CTNNB1: variants seen among roughly 807,000 people sequenced by gnomAD.
The protein encoded by CTNNB1 is catenin beta-1.
A neutral mutation model predicts 82.5 loss-of-function variants in CTNNB1; 6 were observed. That is an observed-to-expected ratio of 0.07 (90% CI 0.04 to 0.14). The LOEUF (loss-of-function observed/expected upper bound fraction) is 0.14. Ranked by LOEUF, CTNNB1 falls within the 10% of genes least tolerant of loss-of-function variation. The pLI, the probability that CTNNB1 is intolerant of heterozygous loss-of-function variation, is 1.00. For missense variants in CTNNB1, 529 were observed against 980.4 expected, an observed-to-expected ratio of 0.54 and a Z score of 6.15; for synonymous variants, 312 against 329.7, an observed-to-expected ratio of 0.95 and a Z score of 0.58.
chr3:41,216,992 A>C (rs1341290829), intron 1 of CTNNB1, among the ~76,000 whole-genome samples: 2 of 152,004 alleles, frequency 1.3e-5, no homozygotes, highest in Non-Finnish European at 2.9e-5. Context: ...GCTGGAGTGA[A>C]TTTTAGAAAG....
chr3:41,234,003 T>C (rs1432096799), intron 9 of CTNNB1, 136 bp downstream of exon 9: 6 of 1,422,294 alleles, frequency 4.2e-6, no homozygotes, highest in Non-Finnish European at 5.9e-6. Flanking sequence ...ATGGCTGCGA[T>C]AGGGGTAAGA....
chr3:41,210,796 CT>C (rs995844597), intron 1 of CTNNB1, among the ~76,000 whole-genome samples: 74 of 147,056 alleles, frequency 5.0e-4, no homozygotes, highest in African/African-American at 9.9e-4. Flanking sequence ...ATATGCTATA[CT>C]TTTTTTTTTT....
At position 41,239,797 on chromosome 3, in the gene CTNNB1, G is replaced by T; in HGVS notation, c.*455G>T. ...TGGGAACAATTGAAGTAAACTTTTT[G>T]TTCTGGTCCTTTTTGGTCGAGGAGT... On this transcript the variant is annotated 3_prime_UTR_variant, in exon 15 of 15. Transcript: ENST00000349496. The T allele has an allele frequency of 3.5e-6, 1 of 284,186 alleles. No homozygotes were observed. The highest frequency in any genetic ancestry group is 6.7e-6 in the Non-Finnish European group (1 of 148,564). 17.6% of individuals were successfully genotyped at this position (284,186 alleles called of 1,614,324 possible). A position where few individuals can be genotyped will look rare whatever the true frequency, so the allele number is the denominator to read the frequency against.
chr3:41,216,622 A>G (rs974854382), intron 1 of CTNNB1, among the ~76,000 whole-genome samples: 2 of 152,214 alleles, frequency 1.3e-5, no homozygotes, highest in African/African-American at 4.8e-5. Flanking sequence ...TCTTTTGTAC[A>G]AAGTCCATTT....
At chr3:41,210,976 A>G (rs2077770105) in intron 1 of CTNNB1, 5 of 452,024 alleles carry the variant, frequency 1.1e-5, no homozygotes, top group South Asian at 6.2e-5. Context: ...AATTTTTTGT[A>G]GAGACAGGGT....
intron 1 of CTNNB1, chr3:41,221,350 T>C (rs2078045540): frequency 6.6e-6 from 1 of 151,988 alleles, no homozygotes; most frequent in South Asian, 2.1e-4. Context: ...TTTTTTTTTT[T>C]TTTAAATTCT....
At chr3:41,226,408 C>G (rs749109298) in intron 6 of CTNNB1, among the ~76,000 whole-genome samples, 1 of 152,108 alleles carries the variant, frequency 6.6e-6, no homozygotes, top group South Asian at 2.1e-4. Context: ...TTGAAACTGA[C>G]TCTTTTTGAG....
At chr3:41,223,844 A>G in intron 1 of CTNNB1, 177 bp from the exon 2 acceptor site, 1 of 497,410 alleles carries the variant, frequency 2.0e-6, no homozygotes, top group South Asian at 3.5e-5. Flanking sequence ...GCAGTGATGG[A>G]GCTGTGGTTG....
intron 11 of CTNNB1, 92 bp from the exon 12 acceptor site, chr3:41,236,257 C>A (rs961987116): frequency 9.8e-6 from 14 of 1,433,992 alleles, no homozygotes; most frequent in Non-Finnish European, 1.4e-5. Flanking sequence ...ATGCCTCTTG[C>A]ACTCTGAATT....
In CTNNB1 at chr3:41,236,676, T is replaced by C. The variant is rs1293826053; in HGVS notation, c.2043T>C (p.Ser681=). Residue 681 remains serine, a synonymous_variant, in exon 13 of 15, where the codon TCT becomes TCC. Transcript: ENST00000349496. ...KKRLSVELTS[S]LFRTEPMAWN... is the part of the protein sequence containing the mutation. ...GGCTTTCAGTTGAGCTGACCAGCTC[T>C]CTCTTCAGAACAGAGCCAATGGCTT... 2 of 1,614,120 alleles carry C rather than the reference T, an allele frequency of 1.2e-6. No homozygotes were observed. The highest frequency in any genetic ancestry group is 1.7e-6 in the Non-Finnish European group (2 of 1,179,960).
intron 7 of CTNNB1, among the ~76,000 whole-genome samples, chr3:41,228,663 C>T (rs1453222117): frequency 6.6e-6 from 1 of 151,912 alleles, no homozygotes; most frequent in African/African-American, 2.4e-5. Flanking sequence ...CATGCCAGTA[C>T]TTTCTCCCAT....
Position 41,236,604 on chromosome 3 carries a change from T to A in CTNNB1, c.1971T>A (p.Ala657=), listed in dbSNP as rs2078441385. The change falls in exon 13 of 15, where the codon GCT becomes GCA. Residue 657 remains alanine, a synonymous_variant. Transcript: ENST00000349496. Reference sequence around the variant, plus strand: ...GTCTCTTAGCGACATATGCAGCTGCTGTTTTGTTCCGAATGTCTGAGGACA... The same window carrying A: ...GTCTCTTAGCGACATATGCAGCTGCAGTTTTGTTCCGAATGTCTGAGGACA... The part of the protein sequence containing the change: ...RNEGVATYAA[A]VLFRMSEDKP... 1 of 1,614,232 alleles carries A rather than the reference T, an allele frequency of 6.2e-7. No homozygotes were observed. The highest frequency in any genetic ancestry group is 8.5e-7 in the Non-Finnish European group (1 of 1,180,048).
Position 41,240,137 on chromosome 3 carries a change from A to AATC in CTNNB1, c.*796_*798dup, listed in dbSNP as rs772744702. 1.2e-4 allele frequency: 25 copies of AATC among 207,578 alleles called. No individual in the cohort carries two copies. Among genetic ancestry groups the AATC allele is most frequent in the Non-Finnish European group, 2.4e-4 (24 of 101,630 alleles). The allele number at this position is 207,578 out of a possible 1,614,324, so 12.9% of individuals were successfully genotyped here. Reference sequence around the variant, plus strand: ...ATTCATAATCACTCTAATTAATTGTAATCTGAATAAAGTGTAACAATTGTG... The same window carrying AATC: ...ATTCATAATCACTCTAATTAATTGTAATCATCTGAATAAAGTGTAACAATTGTG... On this transcript the variant is annotated 3_prime_UTR_variant, in exon 15 of 15. Transcript: ENST00000349496.
At chr3:41,233,496 G>C (rs769229465) in intron 8 of CTNNB1, 33 bp from the exon 9 acceptor site, 1 of 1,613,032 alleles carries the variant, frequency 6.2e-7, no homozygotes, top group South Asian at 1.1e-5. Flanking sequence ...ATGAGTATGT[G>C]CTTGTACTGA....
At chr3:41,224,175 C>G in intron 2 of CTNNB1, 94 bp downstream of exon 2, 1 of 1,429,458 alleles carries the variant, frequency 7.0e-7, no homozygotes, top group Admixed American at 1.7e-5. Flanking sequence ...TCCTCTCTCC[C>G]TGCTTACTTG....
intron 7 of CTNNB1, among the ~76,000 whole-genome samples, chr3:41,231,219 T>A (rs1056315392): frequency 6.6e-6 from 1 of 151,504 alleles, no homozygotes; most frequent in Non-Finnish European, 1.5e-5. Flanking sequence ...CCCAGCTACT[T>A]GGGAGGCTGA....
intron 1 of CTNNB1, among the ~76,000 whole-genome samples, chr3:41,216,895 C>T (rs1399278563): frequency 1.3e-5 from 2 of 152,012 alleles, no homozygotes; most frequent in South Asian, 4.2e-4. Flanking sequence ...CCACCATCCC[C>T]CGCTCACCTG....
At chr3:41,211,869 G>A (rs2077798094) in intron 1 of CTNNB1, among the ~76,000 whole-genome samples, 1 of 152,144 alleles carries the variant, frequency 6.6e-6, no homozygotes, top group African/African-American at 2.4e-5. Context: ...TGCTTACACC[G>A]TTTTCCCCCT....
intron 7 of CTNNB1, among the ~76,000 whole-genome samples, chr3:41,228,498 C>G (rs532704078): frequency 6.6e-6 from 1 of 152,242 alleles, no homozygotes; most frequent in South Asian, 2.1e-4. Context: ...TCATATGTTT[C>G]TTGGCCACTT....
Sources: allele counts gnomAD v4.1 joint callset (sites outside exome capture counted in the v4.1 genomes callset), GRCh38; gene constraint gnomAD v4.1.1; transcripts MANE v1.5; gene names NCBI Gene and HGNC (gene_info 2026-07-23, HGNC 2026-07-21).